The following PTPRT variants were observed in gnomAD, a reference collection of about 807,000 sequenced individuals.
PTPRT encodes protein tyrosine phosphatase receptor type T.
In PTPRT, 56 loss-of-function variants were observed where a neutral mutation model predicts 176.8. The ratio of observed to expected loss-of-function variants is 0.32; its 90% confidence interval spans 0.26 to 0.40. The LOEUF is 0.40. PTPRT is among the 10% of genes least tolerant of loss of function. The pLI is 1.00. For synonymous variants in PTPRT, 783 were observed against 739.0 expected (o/e 1.06, Z -0.96); for missense variants, 1,540 against 1,908.2 (o/e 0.81, Z 3.60).
At chr20:42,648,827 T>TTTTTGTTTTTTTTTG (rs1157629496) in intron 7 of PTPRT, among the ~76,000 whole-genome samples, 1 of 146,496 alleles carries the variant, frequency 6.8e-6, no homozygotes, top group African/African-American at 2.6e-5. Flanking sequence ...GTTGTTTTTT[T>TTTTTGTTTTTTTTTG]TTTTTTTTTT....
At chr20:42,888,751 C>T (rs6016917) in intron 1 of PTPRT, among the ~76,000 whole-genome samples, 6,165 of 152,168 alleles carry the variant, frequency 0.041, 310 homozygotes, top group African/African-American at 0.12. Flanking sequence ...ATTCTAGAAA[C>T]ATTCAACAAG....
chr20:42,696,276 CTT>C (rs1267968400), intron 6 of PTPRT, among the ~76,000 whole-genome samples: 1 of 150,740 alleles, frequency 6.6e-6, no homozygotes, highest in Non-Finnish European at 1.5e-5. Context: ...CCTCCTCCCT[CTT>C]CTCTCCCTTT....
intron 7 of PTPRT, among the ~76,000 whole-genome samples, chr20:42,489,008 TTGTGTGTGTGTGTGTGTGTGTGTG>T (rs56267962): frequency 6.9e-5 from 9 of 131,206 alleles, no homozygotes; most frequent in African/African-American, 1.7e-4. Flanking sequence ...TCAACCAAGT[TTGTGTGTGTGTGTGTGTGTGTGTG>T]TGTGTGTGTG....
At position 42,169,349 on chromosome 20, in the gene PTPRT, TG is replaced by T. The variant is rs377420833; in HGVS notation, c.2492-7808del. ...ATAAAGAGATCAATCCTCCTGCTTGTGGGGGAGAGTATGAATTCCTTCTTTC... is the reference window on the plus strand; with the variant it reads ...ATAAAGAGATCAATCCTCCTGCTTGTGGGGAGAGTATGAATTCCTTCTTTC... On this transcript the variant is annotated intron_variant, in intron 16 of 30. Coordinates refer to ENST00000373187, the MANE Select transcript of PTPRT (RefSeq NM_007050.6). 2.0e-3 allele frequency among the ~76,000 whole-genome samples: 301 copies of T among 152,170 alleles called. 2 individuals are homozygous for T. Among genetic ancestry groups the T allele is most frequent in the African/African-American group, 6.7e-3 (280 of 41,524 alleles).
chr20:42,125,315 A>G (rs1176193852), intron 19 of PTPRT, among the ~76,000 whole-genome samples: 4 of 152,172 alleles, frequency 2.6e-5, no homozygotes, highest in Non-Finnish European at 5.9e-5. Context: ...ATCTCATTTT[A>G]TAGATATCAG....
At chr20:42,175,686 A>AG (rs1398671552) in intron 16 of PTPRT, among the ~76,000 whole-genome samples, 1 of 152,002 alleles carries the variant, frequency 6.6e-6, no homozygotes, top group Non-Finnish European at 1.5e-5. Context: ...TCTCAAAGGA[A>AG]AAAACCAGAC....
chr20:42,143,097 A>G (rs566945245), intron 17 of PTPRT, among the ~76,000 whole-genome samples: 2 of 152,160 alleles, frequency 1.3e-5, no homozygotes, highest in Non-Finnish European at 2.9e-5. Flanking sequence ...AGACATTGCT[A>G]TTACTGGTTA....
intron 9 of PTPRT, among the ~76,000 whole-genome samples, chr20:42,356,790 T>C (rs1009684113): frequency 3.3e-5 from 5 of 152,174 alleles, no homozygotes; most frequent in African/African-American, 7.2e-5. Context: ...TCATGTGGTC[T>C]TAATCAGCTC....
chr20:42,750,256 T>A (rs942508808), intron 6 of PTPRT, among the ~76,000 whole-genome samples: 1 of 152,146 alleles, frequency 6.6e-6, no homozygotes, highest in Non-Finnish European at 1.5e-5. Context: ...AAAAATATGA[T>A]TACTACTAAA....
chr20:42,463,602 C>T (rs185690482), intron 8 of PTPRT, among the ~76,000 whole-genome samples: 2 of 152,212 alleles, frequency 1.3e-5, no homozygotes, highest in Admixed American at 1.3e-4. Context: ...CTCCCCTTTC[C>T]TCCCCTCCCC....
downstream of PTPRT, among the ~76,000 whole-genome samples, chr20:42,072,118 TTC>T (rs770465076): frequency 6.6e-6 from 1 of 152,150 alleles, no homozygotes; most frequent in Non-Finnish European, 1.5e-5. Context: ...TGATTGGACT[TTC>T]TCTCTCTCAT....
chr20:42,497,799 A>G (rs1018441328), intron 7 of PTPRT, among the ~76,000 whole-genome samples: 2 of 152,152 alleles, frequency 1.3e-5, no homozygotes, highest in South Asian at 2.1e-4. Flanking sequence ...AATATGATAT[A>G]AAAAGGTATT....
rs751972373 is a variant in PTPRT at position 42,448,230 on chromosome 20, G to T, written c.1550C>A (p.Thr517Lys). 1 of 1,610,220 alleles carries T rather than the reference G, an allele frequency of 6.2e-7. No individual in the cohort carries two copies. The highest frequency in any genetic ancestry group is 8.5e-7 in the Non-Finnish European group (1 of 1,176,538). The part of the protein sequence containing the change: ...KPPNETNGVI[T>K]LYEINYKAVG... Reference sequence around the variant, plus strand: ...AAGGGACCTCCTTACCTCGTAGAGCGTGATGACCCCATTGGTCTCATTGGG... The same window carrying T: ...AAGGGACCTCCTTACCTCGTAGAGCTTGATGACCCCATTGGTCTCATTGGG... Residue 517 changes from threonine to lysine, a missense_variant, in exon 9 of 31, where the codon ACG becomes AAG. This residue lies in a region of PTPRT where 136 missense variants were observed against 135.0 expected (regional missense o/e 1.01). Coordinates refer to ENST00000373187, the MANE Select transcript of PTPRT (RefSeq NM_007050.6).
At chr20:42,206,440 C>T (rs547072440) in intron 15 of PTPRT, among the ~76,000 whole-genome samples, 2 of 152,282 alleles carry the variant, frequency 1.3e-5, no homozygotes, top group African/African-American at 4.8e-5. Context: ...ATGCGCGAGC[C>T]GAAGCAGGGC....
intron 1 of PTPRT, among the ~76,000 whole-genome samples, chr20:42,939,413 C>T (rs1980403823): frequency 6.6e-6 from 1 of 152,218 alleles, no homozygotes; most frequent in Non-Finnish European, 1.5e-5. Flanking sequence ...GATTGTATTT[C>T]TGTTAGACTG....
At chr20:42,388,455 A>C (rs2145660032) in intron 9 of PTPRT, among the ~76,000 whole-genome samples, 1 of 152,348 alleles carries the variant, frequency 6.6e-6, no homozygotes, top group Middle Eastern at 3.4e-3. Context: ...CCCATCAAAA[A>C]GTGAGCAAGG....
chr20:43,072,828 A>AGT (rs2011198857), intron 1 of PTPRT, among the ~76,000 whole-genome samples: 1 of 152,194 alleles, frequency 6.6e-6, no homozygotes, highest in Non-Finnish European at 1.5e-5. Flanking sequence ...CTCTAAGTGG[A>AGT]GTGTGTGAAG....
At chr20:42,514,284 T>C (rs1181298929) in intron 7 of PTPRT, among the ~76,000 whole-genome samples, 1 of 152,226 alleles carries the variant, frequency 6.6e-6, no homozygotes, top group Non-Finnish European at 1.5e-5. Flanking sequence ...TCATGTTTGA[T>C]AATGTCACAC....
intron 1 of PTPRT, among the ~76,000 whole-genome samples, chr20:43,004,592 T>C (rs1984758752): frequency 6.6e-6 from 1 of 152,174 alleles, no homozygotes; most frequent in Non-Finnish European, 1.5e-5. Flanking sequence ...GTGCTGCAGT[T>C]TAATAAAATA....
Sources: allele counts gnomAD v4.1 joint callset (sites outside exome capture counted in the v4.1 genomes callset), GRCh38; gene constraint gnomAD v4.1.1; regional missense constraint gnomAD v4.1.1; transcripts MANE v1.5; gene names NCBI Gene and HGNC (gene_info 2026-07-23, HGNC 2026-07-21).